The following GPR161 variants were observed in gnomAD, a reference collection of about 807,000 sequenced individuals.
The protein encoded by GPR161 is G-protein coupled receptor RE2.
A neutral mutation model predicts 39.2 loss-of-function variants in GPR161; 25 were observed. The observed-to-expected ratio is 0.64, with a 90% confidence interval of 0.47 to 0.89. GPR161 has a LOEUF of 0.89. Among genes scored for constraint, GPR161 ranks in the 40% least tolerant of loss-of-function variants. The pLI, the probability that GPR161 is intolerant of heterozygous loss-of-function variation, is 0.00. For missense variants in GPR161, 547 were observed against 677.8 expected, an observed-to-expected ratio of 0.81 and a Z score of 2.14; for synonymous variants, 286 against 276.6, an observed-to-expected ratio of 1.03 and a Z score of -0.34.
At chr1:168,106,078 C>G (rs10918826) in intron 1 of GPR161, among the ~76,000 whole-genome samples, 1 of 151,592 alleles carries the variant, frequency 6.6e-6, no homozygotes, top group South Asian at 2.1e-4. Context: ...AGAGAGAAAG[C>G]TTCCCTCATA....
chr1:168,086,076 A>G (rs1326688095), intron 5 of GPR161, among the ~76,000 whole-genome samples: 1 of 152,238 alleles, frequency 6.6e-6, no homozygotes, highest in Non-Finnish European at 1.5e-5. Flanking sequence ...ACTAAAGGAG[A>G]TAATTCTTTC....
chr1:168,136,429 C>T lies in GPR161; in HGVS notation c.-45+310G>A, dbSNP rs746464991. 9 of 1,352,602 alleles carry T rather than the reference C, an allele frequency of 6.7e-6. No homozygotes were observed. The Admixed American group carries it at 2.7e-4, about 41-fold the overall frequency. The allele number at this position is 1,352,602 out of a possible 1,614,324, so 83.8% of individuals were successfully genotyped here. On this transcript the variant is annotated intron_variant, in intron 1 of 5. Transcript: ENST00000682931. ...ACTGTTTAGGGGCTTCGGGCGGCGC[C>T]GGAGAAACGGGGCGGGCTGCACCCA...
At chr1:168,089,270 G>A (rs1694832861) in intron 4 of GPR161, 1 of 152,334 alleles carries the variant, frequency 6.6e-6, no homozygotes, top group East Asian at 1.9e-4. Context: ...GAAGCAGACT[G>A]GGGAGTAACA....
chr1:168,110,531 AG>A (rs796348063), intron 1 of GPR161, among the ~76,000 whole-genome samples: 11,625 of 95,644 alleles, frequency 0.12, 1,716 homozygotes, highest in African/African-American at 0.25. Flanking sequence ...AACGAAAGAA[AG>A]GAAAGGAAAG....
chr1:168,132,074 C>T (rs985263510), intron 1 of GPR161, among the ~76,000 whole-genome samples: 2 of 151,980 alleles, frequency 1.3e-5, no homozygotes, highest in African/African-American at 2.4e-5. Flanking sequence ...AGACCAGCCT[C>T]GCCAATATGG....
intron 3 of GPR161, among the ~76,000 whole-genome samples, chr1:168,093,475 G>A (rs982733894): frequency 6.6e-6 from 1 of 152,250 alleles, no homozygotes; most frequent in African/African-American, 2.4e-5. Flanking sequence ...CCAGAAATGT[G>A]TGGGATTCTG....
Position 168,085,188 on chromosome 1 carries a change from C to A in GPR161, c.*343G>T. The A allele has an allele frequency of 2.3e-6, 1 of 438,262 alleles. No homozygotes were observed. Among genetic ancestry groups the A allele is most frequent in the Non-Finnish European group, 4.4e-6 (1 of 228,174 alleles). 27.1% of individuals were successfully genotyped at this position (438,262 alleles called of 1,614,324 possible). On this transcript the variant is annotated 3_prime_UTR_variant, in exon 6 of 6. Transcript: ENST00000682931. ...GAGGAAATGATGCATGTGGGGGTCT[C>A]CTTCCAAGCCCTTCGTCTCTGGTCC...
At chr1:168,109,756 C>T (rs553100479) in intron 1 of GPR161, among the ~76,000 whole-genome samples, 158 of 152,178 alleles carry the variant, frequency 1.0e-3, no homozygotes, top group African/African-American at 3.6e-3. Context: ...CACCTGAAGT[C>T]AGGAGTTCAA....
chr1:168,085,182 G>C lies in GPR161; in HGVS notation c.*349C>G. The C allele has an allele frequency of 2.2e-6, 1 of 445,466 alleles. No individual in the cohort carries two copies. The highest frequency in any genetic ancestry group is 4.4e-6 in the Non-Finnish European group (1 of 229,494). The allele number at this position is 445,466 out of a possible 1,614,324, so 27.6% of individuals were successfully genotyped here. ...GAAGAGGAGGAAATGATGCATGTGG[G>C]GGTCTCCTTCCAAGCCCTTCGTCTC... is the stretch of plus-strand genomic sequence containing the variant. On this transcript the variant is annotated 3_prime_UTR_variant, in exon 6 of 6. Transcript: ENST00000682931.
chr1:168,126,198 G>A (rs1698576470), intron 1 of GPR161, among the ~76,000 whole-genome samples: 2 of 152,122 alleles, frequency 1.3e-5, no homozygotes, highest in South Asian at 4.1e-4. Context: ...ACACTATAGG[G>A]CAGGAGAGGA....
chr1:168,103,238 C>T (rs1301582908), intron 2 of GPR161, among the ~76,000 whole-genome samples: 1 of 152,048 alleles, frequency 6.6e-6, no homozygotes, highest in Non-Finnish European at 1.5e-5. Context: ...TGCTCACCAT[C>T]ACCTAAATGA....
intron 1 of GPR161, among the ~76,000 whole-genome samples, chr1:168,109,395 G>A (rs928416840): frequency 2.0e-5 from 3 of 152,176 alleles, no homozygotes; most frequent in Admixed American, 2.0e-4. Context: ...TAACCAGAGG[G>A]TATTAGATCT....
intron 1 of GPR161, among the ~76,000 whole-genome samples, chr1:168,116,693 G>T (rs750335008): frequency 6.6e-6 from 1 of 152,196 alleles, no homozygotes; most frequent in African/African-American, 2.4e-5. Context: ...GCACTCACCT[G>T]AAAGTTGCCC....
chr1:168,119,676 C>T (rs1460675585), intron 1 of GPR161, among the ~76,000 whole-genome samples: 4 of 152,108 alleles, frequency 2.6e-5, no homozygotes, highest in Admixed American at 6.5e-5. Flanking sequence ...GTGTCCCCAC[C>T]CAAATCTTAT....
At chr1:168,119,893 C>T (rs1178731572) in intron 1 of GPR161, among the ~76,000 whole-genome samples, 1 of 152,020 alleles carries the variant, frequency 6.6e-6, no homozygotes, top group African/African-American at 2.4e-5. Flanking sequence ...GAACCTCTAT[C>T]TAGATGTCAG....
Position 168,081,524 on chromosome 1 carries a change from G to A in GPR161, c.*4007C>T, listed in dbSNP as rs1202758591. 1.3e-5 allele frequency: 2 copies of A among 152,190 alleles called. No individual in the cohort carries two copies. Among genetic ancestry groups the A allele is most frequent in the African/African-American group, 2.4e-5 (1 of 41,436 alleles). 9.4% of individuals were successfully genotyped at this position (152,190 alleles called of 1,614,324 possible). A position where few individuals can be genotyped will look rare whatever the true frequency, so the allele number is the denominator to read the frequency against. ...CATGCTTTCCAAGTATTTCCTCATA[G>A]AATCCAGACAGTCACCCTGTGACGG... is the stretch of plus-strand genomic sequence containing the variant. On this transcript the variant is annotated 3_prime_UTR_variant, in exon 6 of 6. Coordinates refer to ENST00000682931, the MANE Select transcript of GPR161 (RefSeq NM_001375883.1).
At chr1:168,132,181 C>G (rs550536348) in intron 1 of GPR161, among the ~76,000 whole-genome samples, 3 of 152,146 alleles carry the variant, frequency 2.0e-5, no homozygotes, top group African/African-American at 7.2e-5. Flanking sequence ...AGGAGAATCA[C>G]TTGAACCCAG....
intron 1 of GPR161, among the ~76,000 whole-genome samples, chr1:168,123,469 T>G (rs775600978): frequency 6.6e-5 from 10 of 151,852 alleles, no homozygotes; most frequent in African/African-American, 2.4e-4. Context: ...AAAAATTATA[T>G]GTATGTATCT....
At chr1:168,099,838 G>T (rs1431838069) in intron 2 of GPR161, among the ~76,000 whole-genome samples, 2,905 of 116,290 alleles carry the variant, frequency 0.025, 126 homozygotes, top group African/African-American at 0.12. Flanking sequence ...TTTTTTTTTG[G>T]GGGGGGGGGG....
Sources: gnomAD v4.1 joint callset for allele counts (sites outside exome capture counted in the v4.1 genomes callset) on GRCh38, gnomAD v4.1.1 for gene constraint, MANE v1.5 for transcripts, NCBI Gene and HGNC (gene_info 2026-07-23, HGNC 2026-07-21) for gene names.